Variants in RWDD4 observed in about 807,000 individuals in gnomAD.
RWDD4 encodes RWD domain containing 4, also known as RWD domain-containing protein 4.
RWDD4 carries 16 observed loss-of-function variants against 30.0 expected under a neutral mutation model. The ratio of observed to expected loss-of-function variants is 0.53; its 90% CI spans 0.36 to 0.81. The LOEUF is 0.81. RWDD4 is among the 30% of genes least tolerant of loss of function. The pLI is 0.00. For synonymous variants in RWDD4, 45 were observed against 72.1 expected, an observed-to-expected ratio of 0.62 and a Z score of 1.90; for missense variants, 170 against 223.9, an observed-to-expected ratio of 0.76 and a Z score of 1.54.
chr4:183,643,449 C>CAAAAAAAAAAAAAAAAAAAAA (rs1346905013), intron 7 of RWDD4, among the ~76,000 whole-genome samples: 1 of 42,460 alleles, frequency 2.4e-5, no homozygotes. Context: ...AAAAAAAAAG[C>CAAAAAAAAAAAAAAAAAAAAA]ATTTAAGGGC....
At chr4:183,657,666 G>T (rs1734229993) in intron 1 of RWDD4, among the ~76,000 whole-genome samples, 1 of 152,114 alleles carries the variant, frequency 6.6e-6, no homozygotes. Flanking sequence ...TTTGAAACAG[G>T]ACATTTAAAA....
chr4:183,655,503 C>T (rs970019636), intron 2 of RWDD4, among the ~76,000 whole-genome samples: 8 of 151,932 alleles, frequency 5.3e-5, no homozygotes, highest in African/African-American at 1.9e-4. Context: ...CCAGGATGGT[C>T]TCGATCTCCT....
intron 7 of RWDD4, among the ~76,000 whole-genome samples, chr4:183,643,954 C>G (rs1458927400): frequency 2.0e-5 from 3 of 152,106 alleles, no homozygotes; most frequent in Admixed American, 6.5e-5. Flanking sequence ...ACAAAAAAAA[C>G]TTCTTTCATC....
At chr4:183,650,425 G>A (rs147572936) in intron 4 of RWDD4, among the ~76,000 whole-genome samples, 2 of 152,274 alleles carry the variant, frequency 1.3e-5, no homozygotes, top group African/African-American at 4.8e-5. Context: ...AAATTATACC[G>A]AACCCCTCAA....
intron 1 of RWDD4, 96 bp downstream of exon 1, chr4:183,658,833 C>G (rs1404878904): frequency 9.1e-7 from 1 of 1,097,030 alleles, no homozygotes; most frequent in Non-Finnish European, 1.2e-6. Context: ...GCACAGGGCA[C>G]GTGCCGGGCA....
chr4:183,656,934 G>A (rs1234315669), intron 1 of RWDD4, among the ~76,000 whole-genome samples: 1 of 152,248 alleles, frequency 6.6e-6, no homozygotes, highest in Admixed American at 6.5e-5. Context: ...GCTGAGGCAA[G>A]AGAATCGCTT....
chr4:183,654,684 T>C (rs1269227380), intron 2 of RWDD4, among the ~76,000 whole-genome samples: 1 of 152,178 alleles, frequency 6.6e-6, no homozygotes, highest in Non-Finnish European at 1.5e-5. Context: ...AGCAACTGGA[T>C]TCAAACCGAA....
chr4:183,657,223 G>C (rs975609836), intron 1 of RWDD4, among the ~76,000 whole-genome samples: 4 of 152,056 alleles, frequency 2.6e-5, no homozygotes, highest in Admixed American at 1.3e-4. Context: ...GGCTCCACAG[G>C]TTTCTCTTGC....
At chr4:183,642,952 G>C (rs1026325623) in intron 7 of RWDD4, among the ~76,000 whole-genome samples, 1 of 151,382 alleles carries the variant, frequency 6.6e-6, no homozygotes, top group Non-Finnish European at 1.5e-5. Flanking sequence ...CCAGCTACTT[G>C]GGAGGCTGAG....
chr4:183,643,129 AAAG>A (rs1223318046), intron 7 of RWDD4, among the ~76,000 whole-genome samples: 1 of 143,944 alleles, frequency 6.9e-6, no homozygotes, highest in Non-Finnish European at 1.5e-5. Context: ...AAAAAAAAAA[AAAG>A]AAAACGGGTT....
intron 1 of RWDD4, 45 bp downstream of exon 1, chr4:183,658,884 G>A: frequency 8.1e-7 from 1 of 1,235,798 alleles, no homozygotes; most frequent in Non-Finnish European, 1.0e-6. Flanking sequence ...CCGGGGCTGC[G>A]CGCCGCGCCC....
intron 2 of RWDD4, among the ~76,000 whole-genome samples, chr4:183,654,907 A>C (rs987333241): frequency 2.7e-5 from 4 of 149,068 alleles, no homozygotes; most frequent in African/African-American, 1.0e-4. Context: ...TTTTACAAAA[A>C]AAACTTCCCC....
At chr4:183,652,174 T>C (rs1422920723) in intron 2 of RWDD4, among the ~76,000 whole-genome samples, 2 of 152,174 alleles carry the variant, frequency 1.3e-5, no homozygotes, top group Admixed American at 6.5e-5. Context: ...AAATTCAACA[T>C]TGGTACAAAA....
intron 7 of RWDD4, 24 bp downstream of exon 7, chr4:183,646,326 TA>T: frequency 1.1e-6 from 1 of 906,910 alleles, no homozygotes. Context: ...AAGAAGAATG[TA>T]AAAGGTATTT....
chr4:183,656,342 T>G (rs1392754908), intron 1 of RWDD4, among the ~76,000 whole-genome samples: 1 of 152,214 alleles, frequency 6.6e-6, no homozygotes, highest in Non-Finnish European at 1.5e-5. Flanking sequence ...GCATTAAACC[T>G]AAAGATAAGA....
At chr4:183,657,797 G>A (rs980170822) in intron 1 of RWDD4, among the ~76,000 whole-genome samples, 2 of 152,200 alleles carry the variant, frequency 1.3e-5, no homozygotes, top group African/African-American at 4.8e-5. Context: ...AACTGGGCAG[G>A]AAACTATCTT....
At chr4:183,643,645 G>A (rs970783332) in intron 7 of RWDD4, among the ~76,000 whole-genome samples, 3 of 151,866 alleles carry the variant, frequency 2.0e-5, no homozygotes, top group Admixed American at 2.0e-4. Flanking sequence ...GGCTGGGCAT[G>A]GTGGCTCAAG....
chr4:183,641,535 T>G (rs1733856477), intron 7 of RWDD4, 67 bp from the exon 8 acceptor site: 1 of 1,270,192 alleles, frequency 7.9e-7, no homozygotes, highest in South Asian at 1.2e-5. Flanking sequence ...CCATGGAGTA[T>G]CAAAATTAAA....
chr4:183,649,577 A>T lies in RWDD4; in HGVS notation c.364-9T>A. ...ATATTGCTTATCGATGTCTAAAAAAAAAAAGAAATAATTCTCAGCCTCATA... is the reference window on the plus strand; with the variant it reads ...ATATTGCTTATCGATGTCTAAAAAATAAAAGAAATAATTCTCAGCCTCATA... On this transcript the variant is annotated splice_polypyrimidine_tract_variant and intron_variant, in intron 4 of 7. Transcript: ENST00000326397. The T allele has an allele frequency of 7.0e-7, 1 of 1,420,462 alleles. No individual in the cohort carries two copies. Among genetic ancestry groups the T allele is most frequent in the Non-Finnish European group, 9.9e-7 (1 of 1,015,192 alleles). The allele number at this position is 1,420,462 out of a possible 1,614,324, so 88.0% of individuals were successfully genotyped here.
Sources: allele counts gnomAD v4.1 joint callset (sites outside exome capture counted in the v4.1 genomes callset), GRCh38; gene constraint gnomAD v4.1.1; transcripts MANE v1.5; gene names NCBI Gene and HGNC (gene_info 2026-07-23, HGNC 2026-07-21).